The following FAF1 variants were observed in gnomAD, a reference collection of about 807,000 sequenced individuals.
FAF1 encodes FAS-associated factor 1.
FAF1 carries 25 observed loss-of-function variants against 92.5 expected under a neutral mutation model. The ratio of observed to expected loss-of-function variants is 0.27; its 90% CI spans 0.20 to 0.38. The LOEUF (loss-of-function observed/expected upper bound fraction) is 0.38, where lower values mean the gene tolerates loss of function less well. Ranked by LOEUF, FAF1 falls within the 10% of genes least tolerant of loss-of-function variation. The pLI is 1.00. For synonymous variants in FAF1, 234 were observed against 273.2 expected (o/e 0.86, Z 1.42); for missense variants, 636 against 793.3 (o/e 0.80, Z 2.38).
intron 7 of FAF1, among the ~76,000 whole-genome samples, chr1:50,700,317 C>T (rs1464544840): frequency 6.6e-6 from 1 of 151,466 alleles, no homozygotes; most frequent in African/African-American, 2.4e-5. Context: ...TTTCCCCCCT[C>T]TCTCTCTCTC....
intron 2 of FAF1, among the ~76,000 whole-genome samples, chr1:50,802,479 T>TAACAAAAGGAGGTAGC: frequency 6.6e-6 from 1 of 152,200 alleles, no homozygotes; most frequent in East Asian, 1.9e-4. Context: ...TATTAACAGG[T>TAACAAAAGGAGGTAGC]AACAAAAGGA....
chr1:50,794,680 A>G (rs1322143873), intron 3 of FAF1, among the ~76,000 whole-genome samples: 1 of 152,118 alleles, frequency 6.6e-6, no homozygotes. Context: ...CTGGAGTGAA[A>G]TGGTGCAATC....
chr1:50,716,798 TG>T (rs1569825025), intron 6 of FAF1, among the ~76,000 whole-genome samples: 1 of 152,316 alleles, frequency 6.6e-6, no homozygotes, highest in East Asian at 1.9e-4. Flanking sequence ...ACCAGCAGGA[TG>T]TGGGCAGAGA....
At chr1:50,790,862 T>C (rs138234050) in intron 3 of FAF1, among the ~76,000 whole-genome samples, 12 of 152,276 alleles carry the variant, frequency 7.9e-5, no homozygotes, top group South Asian at 4.1e-4. Flanking sequence ...ATAGATTACA[T>C]AGTCGACTTG....
At chr1:50,600,628 G>A (rs1281780565) in intron 8 of FAF1, among the ~76,000 whole-genome samples, 2 of 152,068 alleles carry the variant, frequency 1.3e-5, no homozygotes, top group Admixed American at 1.3e-4. Flanking sequence ...TATTTGAAAA[G>A]ACTATTAAAA....
At chr1:50,953,752 AG>A (rs981788036) in intron 1 of FAF1, among the ~76,000 whole-genome samples, 2 of 152,124 alleles carry the variant, frequency 1.3e-5, no homozygotes, top group African/African-American at 4.8e-5. Flanking sequence ...ACAAAAAAAA[AG>A]AAAGAAAAGA....
intron 2 of FAF1, among the ~76,000 whole-genome samples, chr1:50,816,199 C>CTT (rs1643971971): frequency 2.9e-5 from 4 of 139,094 alleles, no homozygotes; most frequent in African/African-American, 5.5e-5. Flanking sequence ...TTTTTTTTTC[C>CTT]TTTTTCTTTT....
At position 50,854,434 on chromosome 1, in the gene FAF1, G is replaced by A. The variant is rs1206481285; in HGVS notation, c.114+3495C>T. On this transcript the variant is annotated intron_variant, in intron 2 of 18. Transcript: ENST00000396153. ...CTCTTAACTCTAAGCGCAGGACAAT[G>A]TGAAAAATGGTAACAGTCAGAGGGA... Among the ~76,000 whole-genome samples the A allele has an allele frequency of 3.3e-5, 5 of 152,116 alleles. No individual in the cohort carries two copies. In the East Asian group the frequency reaches 9.6e-4, roughly 29 times the overall value.
At chr1:50,552,690 T>A (rs1011371346) in intron 13 of FAF1, among the ~76,000 whole-genome samples, 1 of 152,106 alleles carries the variant, frequency 6.6e-6, no homozygotes, top group Non-Finnish European at 1.5e-5. Context: ...ATAGACAGGA[T>A]AGAAAAATGG....
At chr1:50,462,652 T>C (rs955211495) in intron 18 of FAF1, among the ~76,000 whole-genome samples, 1 of 152,110 alleles carries the variant, frequency 6.6e-6, no homozygotes, top group Non-Finnish European at 1.5e-5. Flanking sequence ...CTGGGGCAAA[T>C]TTGCATTGAA....
rs959690577 is a variant in FAF1, at chr1:50,576,921, C to T, written c.1113+5697G>A. Among the ~76,000 whole-genome samples, 8 of 151,682 alleles carry T rather than the reference C, an allele frequency of 5.3e-5. No homozygotes were observed. The East Asian group carries it at 1.4e-3, about 26-fold the overall frequency. ...GGATCAAACGATCCTCCCACCTTGG[C>T]CCCTCGAAGTGTTGGGATTACAGGT... On this transcript the variant is annotated intron_variant, in intron 12 of 18. Coordinates refer to ENST00000396153, the MANE Select transcript of FAF1 (RefSeq NM_007051.3).
intron 2 of FAF1, among the ~76,000 whole-genome samples, chr1:50,850,257 T>G (rs1644337158): frequency 6.6e-6 from 1 of 152,168 alleles, no homozygotes; most frequent in African/African-American, 2.4e-5. Flanking sequence ...CTAGCTGGAT[T>G]ACGAAGCTAT....
At chr1:50,487,708 C>T (rs1646784089) in intron 17 of FAF1, among the ~76,000 whole-genome samples, 1 of 152,168 alleles carries the variant, frequency 6.6e-6, no homozygotes. Context: ...GGTGATTTTA[C>T]TGTTCAATAC....
intron 1 of FAF1, among the ~76,000 whole-genome samples, chr1:50,867,813 G>C (rs1251442701): frequency 6.6e-6 from 1 of 152,116 alleles, no homozygotes; most frequent in Admixed American, 6.5e-5. Flanking sequence ...ATTTTATCCA[G>C]CAATCCCATT....
chr1:50,578,615 TGTA>T (rs1650857153), intron 12 of FAF1, among the ~76,000 whole-genome samples: 1 of 152,182 alleles, frequency 6.6e-6, no homozygotes, highest in South Asian at 2.1e-4. Context: ...AGGCAAGTCA[TGTA>T]GCTTTTCTGG....
At chr1:50,822,515 C>T (rs1459873273) in intron 2 of FAF1, among the ~76,000 whole-genome samples, 1 of 152,184 alleles carries the variant, frequency 6.6e-6, no homozygotes, top group Non-Finnish European at 1.5e-5. Context: ...ACTTCTCCTT[C>T]ACAGGTCTTT....
At chr1:50,801,202 A>G (rs1481852520) in intron 3 of FAF1, among the ~76,000 whole-genome samples, 2 of 152,206 alleles carry the variant, frequency 1.3e-5, no homozygotes, top group East Asian at 3.8e-4. Context: ...ATTGTTGCAA[A>G]TTATCATATA....
In FAF1 at chr1:50,649,872, G is replaced by A. The variant is rs552259191; in HGVS notation, c.744+5570C>T. 4.6e-5 allele frequency among the ~76,000 whole-genome samples: 7 copies of A among 152,108 alleles called. No individual in the cohort carries two copies. In the South Asian group the frequency reaches 8.3e-4, roughly 18 times the overall value. On this transcript the variant is annotated intron_variant, in intron 8 of 18. Transcript: ENST00000396153. The stretch of plus-strand genomic sequence containing the variant: ...CCTAGCTACTCGGGAGGCTGAGGAG[G>A]GACAATTGCTTGAACCTGGGAGGTG...
At chr1:50,784,213 T>C (rs2124566853) in intron 4 of FAF1, among the ~76,000 whole-genome samples, 1 of 151,330 alleles carries the variant, frequency 6.6e-6, no homozygotes, top group East Asian at 1.9e-4. Flanking sequence ...ACAAAAGACA[T>C]CCAAATTGGA....
Sources: gnomAD v4.1 joint callset for allele counts (sites outside exome capture counted in the v4.1 genomes callset) on GRCh38, gnomAD v4.1.1 for gene constraint, MANE v1.5 for transcripts, NCBI Gene and HGNC (gene_info 2026-07-23, HGNC 2026-07-21) for gene names.